Variants in TEAD4 observed in about 807,000 individuals in gnomAD.
The protein encoded by TEAD4 is TEA domain transcription factor 4, also known as transcriptional enhancer factor TEF-3.
TEAD4 carries 36 observed loss-of-function variants against 52.4 expected under a neutral mutation model. The observed-to-expected ratio is 0.69, with a 90% CI of 0.53 to 0.91. The LOEUF is 0.91. TEAD4 is among the 40% of genes least tolerant of loss of function. The pLI, the probability that TEAD4 is intolerant of heterozygous loss-of-function variation, is 0.00. For missense variants in TEAD4, 508 were observed against 583.9 expected, an observed-to-expected ratio of 0.87 and a Z score of 1.34; for synonymous variants, 220 against 231.0, an observed-to-expected ratio of 0.95 and a Z score of 0.43.
At chr12:3,002,591 C>T (rs2098252581) in intron 3 of TEAD4, among the ~76,000 whole-genome samples, 1 of 152,180 alleles carries the variant, frequency 6.6e-6, no homozygotes, top group Non-Finnish European at 1.5e-5. Flanking sequence ...TTGCATTTCC[C>T]TGATGATTAG....
At chr12:2,986,916 T>C (rs1197303016) in intron 2 of TEAD4, among the ~76,000 whole-genome samples, 1 of 152,200 alleles carries the variant, frequency 6.6e-6, no homozygotes, top group Admixed American at 6.5e-5. Context: ...ATTATCATCT[T>C]ATGGGACCCC....
intron 2 of TEAD4, among the ~76,000 whole-genome samples, chr12:2,961,893 G>C (rs1021090699): frequency 6.6e-6 from 1 of 152,004 alleles, no homozygotes. Flanking sequence ...TTTACTGTGA[G>C]CCAGGCCCTA....
intron 2 of TEAD4, among the ~76,000 whole-genome samples, chr12:2,967,614 T>C (rs1323427863): frequency 2.0e-5 from 3 of 152,142 alleles, no homozygotes; most frequent in Admixed American, 2.0e-4. Context: ...TCTTCATTCA[T>C]GTTGAGGGAA....
At chr12:3,013,569 A>G (rs1463807377) in intron 5 of TEAD4, among the ~76,000 whole-genome samples, 3 of 152,162 alleles carry the variant, frequency 2.0e-5, no homozygotes, top group Admixed American at 6.5e-5. Flanking sequence ...CCCTGTCTCT[A>G]CTAAAAATAT....
chr12:3,015,596 C>T (rs913406969), intron 5 of TEAD4, among the ~76,000 whole-genome samples: 2 of 152,224 alleles, frequency 1.3e-5, no homozygotes, highest in South Asian at 2.1e-4. Context: ...GCGTGTGGAC[C>T]GCGTGGAGGC....
At chr12:2,993,149 T>G (rs1428923779) in intron 2 of TEAD4, among the ~76,000 whole-genome samples, 2 of 152,210 alleles carry the variant, frequency 1.3e-5, no homozygotes, top group Non-Finnish European at 2.9e-5. Context: ...CCTAACCCTC[T>G]TGAAGTATCC....
intron 2 of TEAD4, among the ~76,000 whole-genome samples, chr12:2,993,089 C>T (rs1278483934): frequency 6.6e-6 from 1 of 152,120 alleles, no homozygotes; most frequent in African/African-American, 2.4e-5. Flanking sequence ...ATTGTATATG[C>T]GTTTTTAAAA....
intron 3 of TEAD4, among the ~76,000 whole-genome samples, chr12:2,995,297 C>T (rs2153955432): frequency 6.6e-6 from 1 of 152,232 alleles, no homozygotes; most frequent in East Asian, 1.9e-4. Context: ...CAAGCTGTAC[C>T]CCAGCAGGTG....
intron 3 of TEAD4, among the ~76,000 whole-genome samples, chr12:2,996,045 A>G (rs1377011514): frequency 6.6e-6 from 1 of 151,860 alleles, no homozygotes; most frequent in African/African-American, 2.4e-5. Context: ...TAAAAACTGA[A>G]TGGCTGTTGG....
chr12:3,021,310 T>C lies in TEAD4; in HGVS notation c.724-534T>C, dbSNP rs560501687. On this transcript the variant is annotated intron_variant, in intron 9 of 12. Coordinates refer to ENST00000359864, the MANE Select transcript of TEAD4 (RefSeq NM_003213.4). ...TCACTCTGACATCTTCAAACTTCTT[T>C]TTTTTTTTTTTTTTCTTGAGACAGA... 4.4e-4 allele frequency among the ~76,000 whole-genome samples: 66 copies of C among 149,292 alleles called. 1 individual carries two copies. Among genetic ancestry groups the C allele is most frequent in the African/African-American group, 1.5e-3 (60 of 40,728 alleles).
intron 2 of TEAD4, among the ~76,000 whole-genome samples, chr12:2,980,786 C>T (rs972193844): frequency 2.7e-5 from 4 of 148,718 alleles, no homozygotes; most frequent in African/African-American, 4.9e-5. Context: ...CATGGCCAGG[C>T]GCAGTGACTC....
At chr12:2,978,540 A>C (rs1181170329) in intron 2 of TEAD4, among the ~76,000 whole-genome samples, 1 of 151,636 alleles carries the variant, frequency 6.6e-6, no homozygotes, top group Non-Finnish European at 1.5e-5. Flanking sequence ...AGTAGCTGGG[A>C]CTATAGGCCT....
chr12:3,013,819 G>A (rs1345552109), intron 5 of TEAD4, among the ~76,000 whole-genome samples: 1 of 152,170 alleles, frequency 6.6e-6, no homozygotes, highest in African/African-American at 2.4e-5. Context: ...GGCTGCGGTG[G>A]GCTGTGATTG....
At chr12:3,003,609 G>T (rs1334667508) in intron 3 of TEAD4, among the ~76,000 whole-genome samples, 1 of 152,148 alleles carries the variant, frequency 6.6e-6, no homozygotes, top group Non-Finnish European at 1.5e-5. Context: ...TTAGGCCAAG[G>T]CTCCTGTTTC....
intron 5 of TEAD4, among the ~76,000 whole-genome samples, chr12:3,015,128 G>T (rs150396713): frequency 1.2e-3 from 183 of 152,282 alleles, no homozygotes; most frequent in Non-Finnish European, 2.2e-3. Context: ...GGCCAAGGGG[G>T]GCCAGGGACA....
At chr12:3,001,244 A>G (rs930098332) in intron 3 of TEAD4, among the ~76,000 whole-genome samples, 5 of 152,244 alleles carry the variant, frequency 3.3e-5, no homozygotes, top group East Asian at 3.8e-4. Flanking sequence ...AAAAATATAC[A>G]TTACGTAAAA....
At chr12:3,000,501 C>T (rs560994419) in intron 3 of TEAD4, among the ~76,000 whole-genome samples, 7 of 152,250 alleles carry the variant, frequency 4.6e-5, no homozygotes, top group South Asian at 2.1e-4. Context: ...CCCACTCCTG[C>T]GCTCTGTTAG....
At chr12:2,998,575 T>A (rs557213083) in intron 3 of TEAD4, among the ~76,000 whole-genome samples, 1 of 151,490 alleles carries the variant, frequency 6.6e-6, no homozygotes, top group Non-Finnish European at 1.5e-5. Flanking sequence ...GAGGCAGAGG[T>A]GCTGCTTCAC....
intron 3 of TEAD4, among the ~76,000 whole-genome samples, chr12:3,006,115 C>T (rs906312464): frequency 1.3e-5 from 2 of 152,076 alleles, no homozygotes; most frequent in Non-Finnish European, 2.9e-5. Context: ...AGATTATATA[C>T]GTATATCATA....
Sources: gnomAD v4.1 joint callset for allele counts (sites outside exome capture counted in the v4.1 genomes callset) on GRCh38, gnomAD v4.1.1 for gene constraint, MANE v1.5 for transcripts, NCBI Gene and HGNC (gene_info 2026-07-23, HGNC 2026-07-21) for gene names.